KCNN2: variants seen among roughly 807,000 people sequenced by gnomAD.
KCNN2 encodes the protein small conductance calcium-activated potassium channel protein 2.
In KCNN2, 24 loss-of-function variants were observed where a neutral mutation model predicts 55.5. That is an observed-to-expected ratio of 0.43 (90% CI 0.31 to 0.61). The LOEUF (loss-of-function observed/expected upper bound fraction) is 0.61, where lower values mean the gene tolerates loss of function less well. Ranked by LOEUF, KCNN2 falls within the 20% of genes least tolerant of loss-of-function variation. KCNN2 has a pLI of 0.08. For missense variants in KCNN2, 754 were observed against 853.6 expected (o/e 0.88, Z 1.45); for synonymous variants, 431 against 336.1 (o/e 1.28, Z -3.09).
intron 1 of KCNN2, among the ~76,000 whole-genome samples, chr5:114,153,502 T>C (rs545293399): frequency 1.3e-5 from 2 of 152,242 alleles, no homozygotes; most frequent in South Asian, 4.1e-4. Context: ...AAAAAAAAAC[T>C]GTATCACTTA....
chr5:114,254,054 C>A (rs969482736), intron 2 of KCNN2, among the ~76,000 whole-genome samples: 1 of 151,816 alleles, frequency 6.6e-6, no homozygotes, highest in Non-Finnish European at 1.5e-5. Flanking sequence ...TATTTTTTTA[C>A]TTAAAACAGC....
chr5:114,199,656 C>G (rs1258772247), intron 1 of KCNN2, among the ~76,000 whole-genome samples: 3 of 151,246 alleles, frequency 2.0e-5, no homozygotes, highest in Admixed American at 2.0e-4. Context: ...ACCTTTCATT[C>G]CCATGTTTGA....
At chr5:114,404,978 C>T in intron 3 of KCNN2, 122 bp downstream of exon 3, 2 of 776,844 alleles carry the variant, frequency 2.6e-6, no homozygotes, top group Non-Finnish European at 4.1e-6. Context: ...GATTTTCTGA[C>T]AGGCTTCTTT....
chr5:114,202,876 G>GCAGCTGTA (rs2112574133), intron 1 of KCNN2, among the ~76,000 whole-genome samples: 1 of 152,118 alleles, frequency 6.6e-6, no homozygotes, highest in South Asian at 2.1e-4. Flanking sequence ...GTGAGCCACC[G>GCAGCTGTA]CACCCAGCTG....
intron 2 of KCNN2, among the ~76,000 whole-genome samples, chr5:114,238,396 C>T (rs1463717756): frequency 2.0e-5 from 3 of 151,886 alleles, no homozygotes; most frequent in South Asian, 2.1e-4. Flanking sequence ...GAGGCCGAGG[C>T]GGGTGGATTG....
chr5:114,071,269 A>G (rs1000401495), intron 1 of KCNN2, among the ~76,000 whole-genome samples: 2 of 152,182 alleles, frequency 1.3e-5, no homozygotes, highest in Non-Finnish European at 2.9e-5. Context: ...TCCCTAAACT[A>G]CAGAGCTTGA....
intron 5 of KCNN2, among the ~76,000 whole-genome samples, chr5:114,474,158 CTTGATTTTGG>C (rs1761870865): frequency 6.6e-6 from 1 of 152,096 alleles, no homozygotes; most frequent in Non-Finnish European, 1.5e-5. Flanking sequence ...TTCACTCACT[CTTGATTTTGG>C]TTGTATATTT....
chr5:114,059,631 G>A lies in KCNN2; in HGVS notation c.-271+3131G>A, dbSNP rs144895271. On this transcript the variant is annotated intron_variant, in intron 1 of 10. Transcript: ENST00000512097. The stretch of plus-strand genomic sequence containing the variant: ...AGCCCAGGTTTCTGATGCTGCTGGT[G>A]TCTGAAGGCTGAGGCTGTGTTGTTT... Among the ~76,000 whole-genome samples the A allele has an allele frequency of 2.8e-3, 432 of 152,332 alleles. 2 individuals carry two copies. The highest frequency in any genetic ancestry group is 9.7e-3 in the African/African-American group (402 of 41,578).
In KCNN2 at chr5:114,463,198, T is replaced by A; in HGVS notation, c.1779+8T>A. 6.2e-7 allele frequency: 1 copy of A among 1,605,332 alleles called. No individual in the cohort carries two copies. The highest frequency in any genetic ancestry group is 2.2e-5 in the East Asian group (1 of 44,662). Reference sequence around the variant, plus strand: ...TTACTTACTGGAATTATGGTAAGTGTCTTTATACTTCACATCTCTTTTATT... The same window carrying A: ...TTACTTACTGGAATTATGGTAAGTGACTTTATACTTCACATCTCTTTTATT... On this transcript the variant is annotated splice_region_variant and intron_variant, in intron 4 of 7. Transcript: ENST00000673685.
intron 6 of KCNN2, among the ~76,000 whole-genome samples, chr5:114,492,802 T>C (rs143692050): frequency 0.02 from 3,103 of 152,214 alleles, 112 homozygotes; most frequent in African/African-American, 0.069. Context: ...TAATGGCAGT[T>C]CAAGATAAAA....
intron 5 of KCNN2, among the ~76,000 whole-genome samples, chr5:114,476,887 A>C (rs953545490): frequency 2.0e-5 from 3 of 151,822 alleles, no homozygotes; most frequent in African/African-American, 7.2e-5. Context: ...TCATTATTTT[A>C]TACAAAGTCA....
intron 1 of KCNN2, among the ~76,000 whole-genome samples, chr5:114,109,529 C>T (rs1179519112): frequency 6.6e-6 from 1 of 152,058 alleles, no homozygotes; most frequent in East Asian, 1.9e-4. Context: ...GATTAAAACC[C>T]TTCTCCAGAG....
At chr5:114,096,704 A>G (rs551285575) in intron 1 of KCNN2, among the ~76,000 whole-genome samples, 1 of 152,180 alleles carries the variant, frequency 6.6e-6, no homozygotes, top group African/African-American at 2.4e-5. Context: ...TCCCTGCATA[A>G]CTTCTCTTCC....
At chr5:114,408,453 T>C (rs2150073236) in intron 3 of KCNN2, among the ~76,000 whole-genome samples, 1 of 152,200 alleles carries the variant, frequency 6.6e-6, no homozygotes, top group African/African-American at 2.4e-5. Flanking sequence ...TTTGAGGGAT[T>C]AACGTTTTCT....
chr5:114,450,947 G>T (rs576834531), intron 3 of KCNN2, among the ~76,000 whole-genome samples: 1 of 152,284 alleles, frequency 6.6e-6, no homozygotes, highest in African/African-American at 2.4e-5. Flanking sequence ...GTTTTGCTCA[G>T]TAGTAATCAA....
chr5:114,098,379 C>G (rs1751305905), intron 1 of KCNN2, among the ~76,000 whole-genome samples: 1 of 151,838 alleles, frequency 6.6e-6, no homozygotes, highest in African/African-American at 2.4e-5. Context: ...AGTCTGTGGC[C>G]TGTTAGGAAC....
At chr5:114,388,599 G>A (rs761770659) in intron 2 of KCNN2, among the ~76,000 whole-genome samples, 1 of 152,008 alleles carries the variant, frequency 6.6e-6, no homozygotes, top group African/African-American at 2.4e-5. Context: ...ATGGTTACTT[G>A]TTTCTTTCTT....
At chr5:114,312,414 CACACACACACACACACACACATATAT>C (rs1756408995) in intron 2 of KCNN2, among the ~76,000 whole-genome samples, 1 of 75,210 alleles carries the variant, frequency 1.3e-5, no homozygotes, top group African/African-American at 5.6e-5. Flanking sequence ...CACACACACA[CACACACACACACACACACACATATAT>C]ATATATATAT....
chr5:114,196,239 T>G (rs1753556175), intron 1 of KCNN2, among the ~76,000 whole-genome samples: 2 of 151,980 alleles, frequency 1.3e-5, no homozygotes. Flanking sequence ...GTATACTGGT[T>G]TTTTTAATGT....
Sources: allele counts gnomAD v4.1 joint callset (sites outside exome capture counted in the v4.1 genomes callset), GRCh38; gene constraint gnomAD v4.1.1; transcripts MANE v1.5; gene names NCBI Gene and HGNC (gene_info 2026-07-23, HGNC 2026-07-21).